Variants in ANK1 observed in about 807,000 individuals in gnomAD.
ANK1 encodes the protein ankyrin-1.
Under a neutral mutation model 210.4 loss-of-function variants are expected in ANK1, and 51 were observed. The ratio of observed to expected loss-of-function variants is 0.24; its 90% confidence interval spans 0.19 to 0.31. ANK1 has a LOEUF of 0.31. Ranked by LOEUF, ANK1 falls within the 10% of genes least tolerant of loss-of-function variation. ANK1 has a pLI of 1.00. For synonymous variants in ANK1, 967 were observed against 1,025.9 expected, an observed-to-expected ratio of 0.94 and a Z score of 1.10; for missense variants, 2,051 against 2,504.4, an observed-to-expected ratio of 0.82 and a Z score of 3.86.
intron 6 of ANK1, 89 bp downstream of exon 6, chr8:41,725,672 C>T: frequency 3.3e-6 from 5 of 1,525,180 alleles, no homozygotes; most frequent in Non-Finnish European, 8.8e-7. Context: ...GCTCGGTTCT[C>T]CTGCCTGGGA....
chr8:41,691,252 T>C (rs1046910948), intron 31 of ANK1, among the ~76,000 whole-genome samples: 1 of 152,290 alleles, frequency 6.6e-6, no homozygotes, highest in East Asian at 1.9e-4. Context: ...GTTCTGTTTT[T>C]ATGTCTGTCC....
At chr8:41,876,709 C>T (rs987294926) in intron 1 of ANK1, among the ~76,000 whole-genome samples, 1 of 152,156 alleles carries the variant, frequency 6.6e-6, no homozygotes, top group African/African-American at 2.4e-5. Flanking sequence ...CCTAATCGCA[C>T]GTGTCATGTT....
chr8:41,696,008 G>T (rs1168525060), intron 26 of ANK1, among the ~76,000 whole-genome samples: 1 of 152,254 alleles, frequency 6.6e-6, no homozygotes, highest in Non-Finnish European at 1.5e-5. Flanking sequence ...CTTCAGAGTG[G>T]CCTTGTCTCT....
chr8:41,848,420 A>G (rs1369378723), intron 1 of ANK1, among the ~76,000 whole-genome samples: 1 of 152,212 alleles, frequency 6.6e-6, no homozygotes, highest in Non-Finnish European at 1.5e-5. Context: ...AGCGTGAAGC[A>G]TTAACAGTCA....
intron 3 of ANK1, among the ~76,000 whole-genome samples, chr8:41,730,451 C>CT (rs551939515): frequency 0.34 from 48,246 of 142,004 alleles, 8,265 homozygotes; most frequent in African/African-American, 0.45. Flanking sequence ...TCTTTTCTTT[C>CT]TTTTTTTTTT....
Position 41,672,913 on chromosome 8 carries a change from C to G in ANK1, c.4538-1G>C. 1 of 1,598,528 alleles carries G rather than the reference C, an allele frequency of 6.3e-7. No individual in the cohort carries two copies. The highest frequency in any genetic ancestry group is 8.5e-7 in the Non-Finnish European group (1 of 1,179,104). ...AGCTCGTCCTGCAGTGAGGAGTAAC[C>G]TGGATGGGCAGACAGAGGGCAACAT... On this transcript the variant is annotated splice_acceptor_variant, in intron 37 of 42. Coordinates refer to ENST00000289734, the MANE Select transcript of ANK1 (RefSeq NM_000037.4). LOFTEE classifies it high-confidence loss of function.
At chr8:41,823,881 CA>C (rs1339843102) in intron 1 of ANK1, among the ~76,000 whole-genome samples, 1 of 152,204 alleles carries the variant, frequency 6.6e-6, no homozygotes, top group African/African-American at 2.4e-5. Flanking sequence ...ATTTATCGTT[CA>C]AGACACTTCT....
At chr8:41,682,216 G>C (rs866067225) in intron 37 of ANK1, among the ~76,000 whole-genome samples, 1 of 150,996 alleles carries the variant, frequency 6.6e-6, no homozygotes, top group Non-Finnish European at 1.5e-5. Context: ...TCCTGTGAAC[G>C]CATCAGGAAA....
chr8:41,790,662 C>T (rs141819456), intron 1 of ANK1, among the ~76,000 whole-genome samples: 126 of 152,122 alleles, frequency 8.3e-4, no homozygotes, highest in African/African-American at 2.8e-3. Flanking sequence ...CTGTACAACT[C>T]GAGATCCTAT....
chr8:41,849,472 T>A (rs1810761835), intron 1 of ANK1, among the ~76,000 whole-genome samples: 2 of 151,700 alleles, frequency 1.3e-5, no homozygotes, highest in Admixed American at 1.3e-4. Flanking sequence ...TGCAGTGAGC[T>A]GAGATCACAC....
chr8:41,730,208 G>A (rs10111617), intron 3 of ANK1, among the ~76,000 whole-genome samples: 84,943 of 152,084 alleles, frequency 0.56, 24,426 homozygotes, highest in Middle Eastern at 0.63. Flanking sequence ...CCCAGCCGCT[G>A]CTGACCCCGC....
At chr8:41,895,795 T>C (rs1028390662) in intron 1 of ANK1, among the ~76,000 whole-genome samples, 7 of 151,734 alleles carry the variant, frequency 4.6e-5, no homozygotes, top group African/African-American at 1.5e-4. Context: ...AGGTGCTCCC[T>C]GAGAAGGGTC....
At chr8:41,855,644 G>A (rs529288626) in intron 1 of ANK1, among the ~76,000 whole-genome samples, 3 of 152,280 alleles carry the variant, frequency 2.0e-5, no homozygotes, top group East Asian at 3.9e-4. Context: ...CCAGATAGCC[G>A]GCTCTCTGTT....
Position 41,727,239 on chromosome 8 carries a change from A to T in ANK1, c.426+11T>A. 1 of 1,610,436 alleles carries T rather than the reference A, an allele frequency of 6.2e-7. No homozygotes were observed. Among genetic ancestry groups the T allele is most frequent in the Non-Finnish European group, 8.5e-7 (1 of 1,176,684 alleles). ...CTTCTGGTGGTGACGACATTTTTCCAAGGTACTTACTTCTGTGGCTACATT... is the reference window on the plus strand; with the variant it reads ...CTTCTGGTGGTGACGACATTTTTCCTAGGTACTTACTTCTGTGGCTACATT... On this transcript the variant is annotated intron_variant, in intron 5 of 42. Transcript: ENST00000289734.
rs1438798438 is a variant in ANK1 at position 41,884,563 on chromosome 8, C to T, written c.126+11792G>A. Among the ~76,000 whole-genome samples, 5 of 151,672 alleles carry T rather than the reference C, an allele frequency of 3.3e-5. No homozygotes were observed. The South Asian group carries it at 8.3e-4, about 25-fold the overall frequency. ...TAAAGGATGAGTAGAGGCCGAGCAC[C>T]GCGGCTCGCATCTGTAATCCCAGAG... On this transcript the variant is annotated intron_variant, in intron 1 of 42. Transcript: ENST00000265709.
chr8:41,847,564 T>A (rs1399616434), intron 1 of ANK1, among the ~76,000 whole-genome samples: 1 of 152,196 alleles, frequency 6.6e-6, no homozygotes, highest in Non-Finnish European at 1.5e-5. Context: ...TATATAAGCA[T>A]CACCTCATTC....
chr8:41,703,074 A>T (rs1044920851), intron 20 of ANK1, among the ~76,000 whole-genome samples: 1 of 151,412 alleles, frequency 6.6e-6, no homozygotes, highest in East Asian at 1.9e-4. Flanking sequence ...CAAGTGATCC[A>T]CCTGCCTTGG....
At chr8:41,816,005 A>C (rs1297111139) in intron 1 of ANK1, among the ~76,000 whole-genome samples, 7 of 152,206 alleles carry the variant, frequency 4.6e-5, no homozygotes, top group Non-Finnish European at 1.0e-4. Context: ...AGAGATTGGG[A>C]AACCTTTTTA....
chr8:41,891,215 A>G (rs1490031038), intron 1 of ANK1, among the ~76,000 whole-genome samples: 1 of 152,222 alleles, frequency 6.6e-6, no homozygotes, highest in African/African-American at 2.4e-5. Flanking sequence ...GCGCCTGTAC[A>G]TAGGACACAC....
Sources: allele counts gnomAD v4.1 joint callset (sites outside exome capture counted in the v4.1 genomes callset), GRCh38; gene constraint gnomAD v4.1.1; transcripts MANE v1.5; gene names NCBI Gene and HGNC (gene_info 2026-07-23, HGNC 2026-07-21).